The following NTRK1 variants were observed in gnomAD, a reference collection of about 807,000 sequenced individuals.
NTRK1 encodes the protein high affinity nerve growth factor receptor.
Under a neutral mutation model 86.8 loss-of-function variants are expected in NTRK1, and 62 were observed. That is an observed-to-expected ratio of 0.71 (90% CI 0.58 to 0.88). The LOEUF (loss-of-function observed/expected upper bound fraction) is 0.88. Ranked by LOEUF, NTRK1 falls within the 40% of genes least tolerant of loss-of-function variation. The probability of loss-of-function intolerance (pLI) is 0.00; values close to 1 mark genes in which losing one functional copy is unlikely to be tolerated. For missense variants in NTRK1, 967 were observed against 1,078.4 expected (o/e 0.90, Z 1.45); for synonymous variants, 469 against 456.6 (o/e 1.03, Z -0.35).
rs570244966 is a variant in NTRK1, at chr1:156,817,922, C to T, written c.-64+2084C>T. On this transcript the variant is annotated intron_variant, in intron 1 of 16. Coordinates refer to the NTRK1 transcript ENST00000392302. ...CCTCCCAAAGTGTTGGGATTACAGGCGTGAGCCACTGCACTGGCCAGTGTT... is the reference window on the plus strand; with the variant it reads ...CCTCCCAAAGTGTTGGGATTACAGGTGTGAGCCACTGCACTGGCCAGTGTT... Among the ~76,000 whole-genome samples the T allele has an allele frequency of 4.6e-5, 7 of 152,276 alleles. No individual in the cohort carries two copies. The South Asian group carries it at 6.2e-4, about 14-fold the overall frequency.
At chr1:156,826,655 A>G (rs72698639) in intron 1 of NTRK1, among the ~76,000 whole-genome samples, 7,327 of 152,190 alleles carry the variant, frequency 0.048, 249 homozygotes, top group African/African-American at 0.088. Flanking sequence ...GCTTTAAGAA[A>G]CCAGAATCCA....
intron 2 of NTRK1, chr1:156,845,690 C>T (rs1392282369): frequency 6.2e-7 from 1 of 1,611,926 alleles, no homozygotes. Context: ...GCGCCTCCAG[C>T]GGGGGCAGAA....
intron 14 of NTRK1, among the ~76,000 whole-genome samples, chr1:156,878,865 G>A (rs1471592082): frequency 1.3e-5 from 2 of 152,156 alleles, no homozygotes; most frequent in Admixed American, 6.5e-5. Flanking sequence ...GGCATCTGGA[G>A]TTCAAGGAGC....
At chr1:156,833,647 A>G (rs372236315) in intron 1 of NTRK1, among the ~76,000 whole-genome samples, 1 of 152,278 alleles carries the variant, frequency 6.6e-6, no homozygotes, top group African/African-American at 2.4e-5. Flanking sequence ...AATAACTACC[A>G]TGATGCTGGT....
intron 2 of NTRK1, chr1:156,845,493 G>A (rs1447156023): frequency 6.6e-7 from 1 of 1,505,410 alleles, no homozygotes; most frequent in South Asian, 1.3e-5. Context: ...GCCTCCAAAA[G>A]CACCCACAAC....
intron 6 of NTRK1, among the ~76,000 whole-genome samples, 176 bp from the exon 7 acceptor site, chr1:156,871,447 C>T (rs1647543620): frequency 6.6e-6 from 1 of 152,022 alleles, no homozygotes; most frequent in African/African-American, 2.4e-5. Flanking sequence ...AACGAACAAA[C>T]CTAAAGGAGG....
chr1:156,845,158 G>A (rs192169476), intron 2 of NTRK1: 1 of 1,611,572 alleles, frequency 6.2e-7, no homozygotes, highest in Admixed American at 1.7e-5. Context: ...CATGGATGTC[G>A]ATCCGGTATT....
rs1647921894 is a variant in NTRK1 at position 156,876,485 on chromosome 1, T to C, written c.1718T>C (p.Val573Ala). 6.2e-7 allele frequency: 1 copy of C among 1,613,794 alleles called. No individual in the cohort carries two copies. Among genetic ancestry groups the C allele is most frequent in the Non-Finnish European group, 8.5e-7 (1 of 1,180,014 alleles). ...ACCATGCTGCAGCACCAGCACATCG[T>C]GCGCTTCTTCGGCGTCTGCACCGAG... ...LLTMLQHQHI[V>A]RFFGVCTEGR... is the part of the protein sequence containing the mutation. The change falls in exon 14 of 17, where the codon GTG (valine) becomes GCG (alanine). Residue 573 changes from valine (V) to alanine (A), a missense_variant. Val to Ala is a moderately conservative substitution (Grantham distance 64). Around this residue, in one of 2 missense-constraint regions of NTRK1, gnomAD observed 637 missense variants for 776.5 expected, o/e 0.82. Transcript: ENST00000524377.
In NTRK1 at chr1:156,864,172, C is replaced by T. The variant is rs569154902; in HGVS notation, c.213-182C>T. Among the ~76,000 whole-genome samples the T allele has an allele frequency of 1.1e-4, 17 of 152,118 alleles. No individual in the cohort carries two copies. The South Asian group carries it at 3.3e-3, about 30-fold the overall frequency. Reference sequence around the variant, plus strand: ...ACATGTGCATGTGTGACTTGAGGTGCGTCTCTGTGCACATGTATGCATTTG... The same window carrying T: ...ACATGTGCATGTGTGACTTGAGGTGTGTCTCTGTGCACATGTATGCATTTG... On this transcript the variant is annotated intron_variant, in intron 1 of 16. Coordinates refer to ENST00000524377, the MANE Select transcript of NTRK1 (RefSeq NM_002529.4).
chr1:156,846,348 G>T (rs1361299321), intron 2 of NTRK1, among the ~76,000 whole-genome samples: 1 of 152,006 alleles, frequency 6.6e-6, no homozygotes, highest in African/African-American at 2.4e-5. Context: ...TCCCAGCCCC[G>T]CAAGGACCTA....
chr1:156,854,414 G>T lies in NTRK1; in HGVS notation c.51-9940G>T, dbSNP rs1655340297. ...CTGGCAGTAGGACAATGAGTGAGGAGCCGGGCTCTGCTCTGGGTGTGGGGT... is the reference window on the plus strand; with the variant it reads ...CTGGCAGTAGGACAATGAGTGAGGATCCGGGCTCTGCTCTGGGTGTGGGGT... On this transcript the variant is annotated intron_variant, in intron 2 of 16. Coordinates refer to the NTRK1 transcript ENST00000392302. This position sits in a 1 kb window ranked among gnomAD's most constrained non-coding sequence, Gnocchi z 4.2. 19 of 1,146,802 alleles carry T rather than the reference G, an allele frequency of 1.7e-5. No homozygotes were observed. Among genetic ancestry groups the T allele is most frequent in the South Asian group, 6.1e-5 (4 of 65,498 alleles). 71.0% of individuals were successfully genotyped at this position (1,146,802 alleles called of 1,614,324 possible). A position where few individuals can be genotyped will look rare whatever the true frequency, so the allele number is the denominator to read the frequency against.
chr1:156,871,819 T>G (rs1415030014), intron 7 of NTRK1, 64 bp downstream of exon 7: 1 of 1,608,268 alleles, frequency 6.2e-7, no homozygotes, highest in African/African-American at 1.3e-5. Context: ...CAAAAGAGGA[T>G]GTAGGGTGGG....
intron 1 of NTRK1, chr1:156,840,543 G>A (rs917757418): frequency 3.3e-5 from 12 of 367,250 alleles, no homozygotes; most frequent in South Asian, 2.5e-4. Context: ...CCAAACTGAG[G>A]GGCAGGGCCT....
chr1:156,844,106 C>T (rs755066293), intron 2 of NTRK1: 13 of 1,150,798 alleles, frequency 1.1e-5, no homozygotes, highest in East Asian at 2.3e-5. Context: ...CATCTACCTC[C>T]CTTTGACAGA....
At chr1:156,868,346 G>T in intron 5 of NTRK1, 97 bp downstream of exon 5, 1 of 1,556,794 alleles carries the variant, frequency 6.4e-7, no homozygotes, top group Non-Finnish European at 8.7e-7. Context: ...AAGGCCTGGG[G>T]AATGGGCACT....
Position 156,875,528 on chromosome 1 carries a change from G to A in NTRK1, c.1363G>A (p.Val455Met), listed in dbSNP as rs753432413. 6 of 1,613,838 alleles carry A rather than the reference G, an allele frequency of 3.7e-6. No homozygotes were observed. The highest frequency in any genetic ancestry group is 2.2e-5 in the South Asian group (2 of 91,088). Residue 455 changes from valine (V) to methionine (M), a missense_variant, in exon 12 of 17, where the codon GTG (valine) becomes ATG (methionine). Physicochemically the swap from Val to Met is conservative, Grantham distance 21 (BLOSUM62 1). Around this residue, in one of 2 missense-constraint regions of NTRK1, gnomAD observed 637 missense variants for 776.5 expected, o/e 0.82. Transcript: ENST00000524377. ...CTGTGTCTCCTCTCTAGGCCCGGCT[G>A]TGCTGGCTCCAGAGGATGGGCTGGC... ...RNKFGINRPA[V>M]LAPEDGLAMS...
At chr1:156,857,631 C>T (rs1655456568), upstream of NTRK1, among the ~76,000 whole-genome samples, 2 of 152,280 alleles carry the variant, frequency 1.3e-5, no homozygotes, top group Admixed American at 1.3e-4. Context: ...GTGACTAGCA[C>T]CCTTTAGGGG....
chr1:156,817,443 G>A (rs1347106529), intron 1 of NTRK1, among the ~76,000 whole-genome samples: 1 of 150,348 alleles, frequency 6.7e-6, no homozygotes, highest in Non-Finnish European at 1.5e-5. Flanking sequence ...AATAATAATA[G>A]TAATAATAAT....
At chr1:156,862,808 C>A (rs1655737972) in intron 1 of NTRK1, among the ~76,000 whole-genome samples, 1 of 152,104 alleles carries the variant, frequency 6.6e-6, no homozygotes, top group Non-Finnish European at 1.5e-5. Flanking sequence ...ACCCTCTGGG[C>A]AGGGGCTGGG....
Sources: allele counts gnomAD v4.1 joint callset (sites outside exome capture counted in the v4.1 genomes callset), GRCh38; gene constraint gnomAD v4.1.1; regional missense constraint gnomAD v4.1.1; non-coding constraint Gnocchi (gnomAD v3.1); transcripts MANE v1.5; gene names NCBI Gene and HGNC (gene_info 2026-07-23, HGNC 2026-07-21).